PPARGC1A: variants seen among roughly 807,000 people sequenced by gnomAD.
PPARGC1A encodes the protein PPARG coactivator 1 alpha.
In PPARGC1A, 25 loss-of-function variants were observed where a neutral mutation model predicts 88.7. The observed-to-expected ratio is 0.28, with a 90% CI of 0.21 to 0.39. The LOEUF (loss-of-function observed/expected upper bound fraction) is 0.39. Among genes scored for constraint, PPARGC1A ranks in the 10% least tolerant of loss-of-function variants. The pLI is 1.00. For synonymous variants in PPARGC1A, 363 were observed against 355.6 expected, an observed-to-expected ratio of 1.02 and a Z score of -0.24; for missense variants, 880 against 968.7, an observed-to-expected ratio of 0.91 and a Z score of 1.22.
At chr4:24,061,242 G>C in the PPARGC1A span, among the ~76,000 whole-genome samples, 2 of 152,154 alleles carry the variant, frequency 1.3e-5, no homozygotes, top group Admixed American at 1.3e-4. Context: ...TTAAGTGGGT[G>C]AATGTGGGTT....
At chr4:23,992,891 A>ATT in the PPARGC1A span, among the ~76,000 whole-genome samples, 635 of 152,048 alleles carry the variant, frequency 4.2e-3, 6 homozygotes, top group African/African-American at 0.015. Context: ...TCTATGTTCA[A>ATT]TTAAACACAT....
the PPARGC1A span, among the ~76,000 whole-genome samples, chr4:24,341,549 AG>A: frequency 6.6e-6 from 1 of 152,172 alleles, no homozygotes; most frequent in African/African-American, 2.4e-5. Flanking sequence ...TTTGAGTAAA[AG>A]TTAAGGATAC....
the PPARGC1A span, among the ~76,000 whole-genome samples, chr4:24,062,883 G>A: frequency 1.3e-5 from 2 of 152,192 alleles, no homozygotes; most frequent in African/African-American, 4.8e-5. Context: ...CCTAGGCATA[G>A]ATGATCTTCT....
At chr4:24,323,637 G>A in the PPARGC1A span, among the ~76,000 whole-genome samples, 1 of 152,006 alleles carries the variant, frequency 6.6e-6, no homozygotes, top group Non-Finnish European at 1.5e-5. Flanking sequence ...GACTCAGCCC[G>A]CCTGCACCCA....
chr4:23,870,270 A>G (rs1048519770), intron 2 of PPARGC1A, among the ~76,000 whole-genome samples: 7 of 152,226 alleles, frequency 4.6e-5, no homozygotes, highest in African/African-American at 1.4e-4. Context: ...TTTTATGGAA[A>G]GATTTCCGAA....
the PPARGC1A span, among the ~76,000 whole-genome samples, chr4:24,201,285 C>A: frequency 6.6e-6 from 1 of 152,180 alleles, no homozygotes; most frequent in Non-Finnish European, 1.5e-5. Flanking sequence ...CAGAAAAGAA[C>A]CTTAAACAGT....
intron 2 of PPARGC1A, among the ~76,000 whole-genome samples, chr4:23,834,050 A>G (rs1725550430): frequency 6.6e-6 from 1 of 152,216 alleles, no homozygotes; most frequent in African/African-American, 2.4e-5. Flanking sequence ...CTATAATCCC[A>G]GCACTTTGGT....
chr4:24,202,924 A>G, the PPARGC1A span, among the ~76,000 whole-genome samples: 19,107 of 152,172 alleles, frequency 0.13, 2,128 homozygotes, highest in African/African-American at 0.3. Flanking sequence ...CCACAGTGCC[A>G]GTGACCTTTA....
At chr4:23,863,618 C>A (rs1179453042) in intron 2 of PPARGC1A, among the ~76,000 whole-genome samples, 1 of 152,182 alleles carries the variant, frequency 6.6e-6, no homozygotes, top group African/African-American at 2.4e-5. Flanking sequence ...CAACATCTAG[C>A]ATAAATCCGT....
chr4:24,292,553 C>T, the PPARGC1A span, among the ~76,000 whole-genome samples: 8 of 98,208 alleles, frequency 8.1e-5, no homozygotes, highest in Non-Finnish European at 4.0e-5. Flanking sequence ...CCTTCCTGTC[C>T]TCCTCACTAC....
At chr4:23,973,158 T>C in the PPARGC1A span, among the ~76,000 whole-genome samples, 1 of 152,104 alleles carries the variant, frequency 6.6e-6, no homozygotes, top group East Asian at 1.9e-4. Context: ...CACTGGCCAA[T>C]GTTTGCAGGA....
intron 2 of PPARGC1A, among the ~76,000 whole-genome samples, chr4:23,859,068 T>G (rs573208305): frequency 1.3e-5 from 2 of 151,908 alleles, no homozygotes; most frequent in Non-Finnish European, 2.9e-5. Flanking sequence ...TGTAATAACT[T>G]TTAATACTAG....
chr4:24,119,849 A>G, the PPARGC1A span, among the ~76,000 whole-genome samples: 4 of 152,158 alleles, frequency 2.6e-5, no homozygotes, highest in Non-Finnish European at 5.9e-5. Flanking sequence ...TCATTGTCTT[A>G]TACTTATAAA....
chr4:23,827,676 T>C (rs1724205719), intron 5 of PPARGC1A, among the ~76,000 whole-genome samples: 1 of 152,180 alleles, frequency 6.6e-6, no homozygotes, highest in Non-Finnish European at 1.5e-5. Flanking sequence ...CAGCAATATA[T>C]GGTGATAATA....
the PPARGC1A span, among the ~76,000 whole-genome samples, chr4:24,275,438 A>C: frequency 6.6e-6 from 1 of 152,322 alleles, no homozygotes; most frequent in East Asian, 1.9e-4. Flanking sequence ...CTATTTATTT[A>C]TTCAAGCAAA....
chr4:24,322,442 T>C, the PPARGC1A span, among the ~76,000 whole-genome samples: 1 of 152,218 alleles, frequency 6.6e-6, no homozygotes. Flanking sequence ...CCTCAGACAC[T>C]TTATTCCTAG....
the PPARGC1A span, among the ~76,000 whole-genome samples, chr4:24,093,724 C>A: frequency 6.6e-6 from 1 of 152,212 alleles, no homozygotes; most frequent in Non-Finnish European, 1.5e-5. Context: ...GTAGTTATAT[C>A]TGTTCTTATG....
chr4:24,189,535 C>A, the PPARGC1A span, among the ~76,000 whole-genome samples: 4 of 152,232 alleles, frequency 2.6e-5, no homozygotes, highest in South Asian at 8.3e-4. Flanking sequence ...CACTTCCAGG[C>A]TTTTCTAATG....
the PPARGC1A span, among the ~76,000 whole-genome samples, chr4:24,441,341 T>C: frequency 6.6e-6 from 1 of 152,240 alleles, no homozygotes; most frequent in Admixed American, 6.5e-5. Context: ...TGTCCTTTCA[T>C]TTCCCCTTCT....
Sources: gnomAD v4.1 joint callset for allele counts (sites outside exome capture counted in the v4.1 genomes callset) on GRCh38, gnomAD v4.1.1 for gene constraint, MANE v1.5 for transcripts, NCBI Gene and HGNC (gene_info 2026-07-23, HGNC 2026-07-21) for gene names.